The following SHISA6 variants were observed in gnomAD, a reference collection of about 807,000 sequenced individuals.
SHISA6 encodes the protein protein shisa-6.
In SHISA6, 22 loss-of-function variants were observed where a neutral mutation model predicts 47.9. The ratio of observed to expected loss-of-function variants is 0.46; its 90% CI spans 0.33 to 0.66. The LOEUF (loss-of-function observed/expected upper bound fraction) is 0.66, where lower values mean the gene tolerates loss of function less well. Ranked by LOEUF, SHISA6 falls within the 30% of genes least tolerant of loss-of-function variation. The pLI is 0.02. For synonymous variants in SHISA6, 388 were observed against 337.8 expected (o/e 1.15, Z -1.63); for missense variants, 680 against 764.6 (o/e 0.89, Z 1.30).
intron 3 of SHISA6, among the ~76,000 whole-genome samples, chr17:11,481,248 C>T (rs1916205902): frequency 6.6e-6 from 1 of 151,646 alleles, no homozygotes; most frequent in South Asian, 2.1e-4. Flanking sequence ...CACTGCACCC[C>T]AGCCTGGACG....
chr17:11,485,411 C>T (rs936573748), intron 3 of SHISA6, among the ~76,000 whole-genome samples: 1 of 152,156 alleles, frequency 6.6e-6, no homozygotes, highest in Non-Finnish European at 1.5e-5. Context: ...GCTCATGTAA[C>T]GGGGATGCCT....
intron 3 of SHISA6, among the ~76,000 whole-genome samples, chr17:11,463,398 TA>T (rs1915739096): frequency 6.6e-6 from 1 of 152,194 alleles, no homozygotes; most frequent in African/African-American, 2.4e-5. Context: ...AAGGTTTTTT[TA>T]AAGAAAATAC....
chr17:11,378,422 T>A (rs1942945917), intron 2 of SHISA6, among the ~76,000 whole-genome samples: 1 of 152,228 alleles, frequency 6.6e-6, no homozygotes, highest in South Asian at 2.1e-4. Context: ...TGTCCATTTT[T>A]AAACTTAACA....
At chr17:11,302,930 T>C (rs1277654717) in intron 2 of SHISA6, among the ~76,000 whole-genome samples, 5 of 152,164 alleles carry the variant, frequency 3.3e-5, no homozygotes, top group African/African-American at 1.2e-4. Flanking sequence ...CAGGTTCTGC[T>C]GGAGTTTCAT....
chr17:11,342,623 G>A (rs1173909715), intron 2 of SHISA6, among the ~76,000 whole-genome samples: 1 of 152,240 alleles, frequency 6.6e-6, no homozygotes, highest in Non-Finnish European at 1.5e-5. Flanking sequence ...CCTTCTAGCA[G>A]TGGGTACAGT....
At chr17:11,339,257 T>C (rs1911439566) in intron 2 of SHISA6, among the ~76,000 whole-genome samples, 1 of 151,966 alleles carries the variant, frequency 6.6e-6, no homozygotes, top group Non-Finnish European at 1.5e-5. Context: ...GATATGAAGC[T>C]CTGTTCATAA....
chr17:11,248,189 T>C (rs1257633903), intron 1 of SHISA6, among the ~76,000 whole-genome samples: 1 of 152,182 alleles, frequency 6.6e-6, no homozygotes, highest in East Asian at 1.9e-4. Flanking sequence ...CAAGCTTAAT[T>C]TTAAAACAAT....
intron 3 of SHISA6, among the ~76,000 whole-genome samples, chr17:11,410,372 T>C (rs1488424358): frequency 6.6e-6 from 1 of 152,198 alleles, no homozygotes; most frequent in East Asian, 1.9e-4. Flanking sequence ...ATAATAATTC[T>C]ACAAAGTAGG....
At chr17:11,496,276 T>C (rs1261113921) in intron 3 of SHISA6, among the ~76,000 whole-genome samples, 1 of 152,208 alleles carries the variant, frequency 6.6e-6, no homozygotes, top group Admixed American at 6.5e-5. Flanking sequence ...CCAAAACTTC[T>C]TTAACACCCT....
chr17:11,460,465 C>G (rs1293435948), intron 3 of SHISA6, among the ~76,000 whole-genome samples: 1 of 152,208 alleles, frequency 6.6e-6, no homozygotes, highest in Admixed American at 6.5e-5. Flanking sequence ...GATCTCAGCT[C>G]ACCACAACCT....
intron 2 of SHISA6, among the ~76,000 whole-genome samples, chr17:11,364,684 G>A (rs992765569): frequency 7.2e-5 from 11 of 152,078 alleles, no homozygotes; most frequent in Middle Eastern, 3.2e-3. Context: ...GTCAATTGAC[G>A]GACATATATT....
chr17:11,450,827 G>T (rs1264483248), intron 3 of SHISA6, among the ~76,000 whole-genome samples: 3 of 152,090 alleles, frequency 2.0e-5, no homozygotes, highest in African/African-American at 7.2e-5. Context: ...GGTTACAGAA[G>T]CCTATTGCAG....
At chr17:11,484,014 A>ATAAT (rs3038695) in intron 3 of SHISA6, among the ~76,000 whole-genome samples, 41,626 of 151,960 alleles carry the variant, frequency 0.27, 5,746 homozygotes, top group African/African-American at 0.32. Flanking sequence ...TGACTATTCA[A>ATAAT]TAATTATTTC....
chr17:11,277,827 G>A (rs568454255), intron 2 of SHISA6, among the ~76,000 whole-genome samples: 19 of 152,194 alleles, frequency 1.2e-4, no homozygotes, highest in South Asian at 2.1e-4. Flanking sequence ...TCATGTCTGC[G>A]TTCCAGACAT....
At chr17:11,426,979 T>C (rs1332203670) in intron 3 of SHISA6, among the ~76,000 whole-genome samples, 1 of 152,232 alleles carries the variant, frequency 6.6e-6, no homozygotes, top group Non-Finnish European at 1.5e-5. Flanking sequence ...CTGTAGGTAC[T>C]GGAAAGACAA....
rs1460306957 is a variant in SHISA6, at chr17:11,361,371, A to T, written c.800-18043A>T. Among the ~76,000 whole-genome samples the T allele has an allele frequency of 2.0e-5, 3 of 152,352 alleles. No homozygotes were observed. In the East Asian group the frequency reaches 5.8e-4, roughly 29 times the overall value. On this transcript the variant is annotated intron_variant, in intron 2 of 5. Transcript: ENST00000441885. ...TTTAAATAAAAATAAATTGAATTAC[A>T]TTTAATAATTTAGAAAATTTTTAGG...
intron 3 of SHISA6, among the ~76,000 whole-genome samples, chr17:11,451,194 C>T (rs1222345106): frequency 6.6e-6 from 1 of 152,112 alleles, no homozygotes; most frequent in Non-Finnish European, 1.5e-5. Flanking sequence ...CCCACAGCCC[C>T]TGCTCCCATC....
chr17:11,370,882 C>T (rs1000622136), intron 2 of SHISA6, among the ~76,000 whole-genome samples: 2 of 152,164 alleles, frequency 1.3e-5, no homozygotes, highest in Non-Finnish European at 2.9e-5. Flanking sequence ...CTGTGGACAC[C>T]TTGCATTCAC....
chr17:11,485,409 A>G (rs1450509276), intron 3 of SHISA6, among the ~76,000 whole-genome samples: 1 of 152,218 alleles, frequency 6.6e-6, no homozygotes, highest in Non-Finnish European at 1.5e-5. Flanking sequence ...ATGCTCATGT[A>G]ACGGGGATGC....
Sources: allele counts gnomAD v4.1 joint callset (sites outside exome capture counted in the v4.1 genomes callset), GRCh38; gene constraint gnomAD v4.1.1; transcripts MANE v1.5; gene names NCBI Gene and HGNC (gene_info 2026-07-23, HGNC 2026-07-21).